The following ZNF30 variants were observed in gnomAD, a reference collection of about 807,000 sequenced individuals.
The protein encoded by ZNF30 is zinc finger protein 30 (KOX 28).
A neutral mutation model predicts 13.2 loss-of-function variants in ZNF30; 15 were observed. The observed-to-expected ratio is 1.13, with a 90% CI of 0.76 to 1.75. The LOEUF (loss-of-function observed/expected upper bound fraction) is 1.75, where lower values mean the gene tolerates loss of function less well. Among genes scored for constraint, ZNF30 ranks in the 40% most tolerant of loss-of-function variants. The pLI is 0.00. For missense variants in ZNF30, 726 were observed against 757.0 expected, an observed-to-expected ratio of 0.96 and a Z score of 0.48; for synonymous variants, 223 against 256.6, an observed-to-expected ratio of 0.87 and a Z score of 1.25.
upstream of ZNF30, among the ~76,000 whole-genome samples, chr19:34,925,512 C>A (rs1264775642): frequency 6.6e-6 from 1 of 152,208 alleles, no homozygotes; most frequent in East Asian, 1.9e-4. Flanking sequence ...ATGTCTTCTT[C>A]CGCCAACATG....
intron 4 of ZNF30, among the ~76,000 whole-genome samples, chr19:34,938,822 C>CG (rs773931935): frequency 3.9e-5 from 6 of 152,170 alleles, no homozygotes; most frequent in Non-Finnish European, 7.3e-5. Context: ...CCTGTTTTGT[C>CG]AGGCTGCATC....
chr19:34,935,026 G>A (rs747335946), intron 4 of ZNF30, among the ~76,000 whole-genome samples: 3 of 152,080 alleles, frequency 2.0e-5, no homozygotes, highest in Non-Finnish European at 4.4e-5. Context: ...TCAGGAGATC[G>A]AGACCATCCT....
chr19:34,928,514 A>G (rs1405198117), intron 1 of ZNF30, among the ~76,000 whole-genome samples: 4 of 151,866 alleles, frequency 2.6e-5, no homozygotes, highest in Non-Finnish European at 4.4e-5. Context: ...TAGTTGTTCT[A>G]TTTTATTATT....
intron 4 of ZNF30, among the ~76,000 whole-genome samples, chr19:34,933,981 A>G (rs1045417270): frequency 1.3e-5 from 2 of 152,158 alleles, no homozygotes; most frequent in Admixed American, 6.5e-5. Context: ...TTCCCAGTGC[A>G]TTATTCCATC....
intron 4 of ZNF30, among the ~76,000 whole-genome samples, chr19:34,939,167 C>CCCCTCCCCT (rs2012908849): frequency 1.3e-5 from 1 of 74,808 alleles, no homozygotes; most frequent in African/African-American, 7.7e-5. Flanking sequence ...TCCCCTCCCT[C>CCCCTCCCCT]CGCTCCCCTC....
At chr19:34,929,329 T>C (rs2012310393) in intron 1 of ZNF30, among the ~76,000 whole-genome samples, 4 of 152,220 alleles carry the variant, frequency 2.6e-5, no homozygotes, top group Admixed American at 2.6e-4. Flanking sequence ...AGCCAACTCA[T>C]GTTAAGCAAG....
upstream of ZNF30, among the ~76,000 whole-genome samples, chr19:34,926,562 T>C (rs1289140332): frequency 6.6e-6 from 1 of 152,258 alleles, no homozygotes; most frequent in Non-Finnish European, 1.5e-5. Flanking sequence ...ATTGCCACTA[T>C]TAATCCTATT....
chr19:34,940,529 A>G (rs1448837817), intron 4 of ZNF30, among the ~76,000 whole-genome samples: 2 of 151,940 alleles, frequency 1.3e-5, no homozygotes, highest in African/African-American at 4.8e-5. Flanking sequence ...TTAGCTGGGT[A>G]TGGTGGTGCA....
At chr19:34,933,512 C>T (rs1189031441) in intron 3 of ZNF30, 116 bp from the exon 4 acceptor site, 2 of 664,386 alleles carry the variant, frequency 3.0e-6, no homozygotes, top group Admixed American at 4.8e-5. Context: ...CTTCTCGTGT[C>T]TGAGATATAA....
chr19:34,925,119 GTGGGGCTC>G (rs148871931), upstream of ZNF30, among the ~76,000 whole-genome samples: 1,860 of 152,332 alleles, frequency 0.012, 36 homozygotes, highest in African/African-American at 0.042. Flanking sequence ...CGGGCGGGCT[GTGGGGCTC>G]TGACCCCATG....
In ZNF30 at chr19:34,944,335, G is replaced by C; in HGVS notation, c.1369G>C (p.Glu457Gln). 1 of 1,614,156 alleles carries C rather than the reference G, an allele frequency of 6.2e-7. No homozygotes were observed. Among genetic ancestry groups the C allele is most frequent in the Non-Finnish European group, 8.5e-7 (1 of 1,180,020 alleles). ...QRVHTGEKPY[E>Q]CKECGKAFRV... ...GGTTCATACTGGAGAGAAACCCTAT[G>C]AGTGTAAGGAATGTGGCAAGGCCTT... Residue 457 changes from glutamate to glutamine, a missense_variant, in exon 5 of 5, where the codon GAG (glutamate) becomes CAG (glutamine). Transcript: ENST00000601142.
intron 4 of ZNF30, among the ~76,000 whole-genome samples, chr19:34,940,219 T>C (rs2012966255): frequency 6.6e-6 from 1 of 152,192 alleles, no homozygotes; most frequent in African/African-American, 2.4e-5. Flanking sequence ...GGGGATTTCG[T>C]TGATTTCTGT....
At position 34,944,370 on chromosome 19, in the gene ZNF30, C is replaced by A. The variant is rs377630217; in HGVS notation, c.1404C>A (p.His468Gln). 6.2e-7 allele frequency: 1 copy of A among 1,614,052 alleles called. No individual in the cohort carries two copies. Among genetic ancestry groups the A allele is most frequent in the Non-Finnish European group, 8.5e-7 (1 of 1,180,026 alleles). ...CKECGKAFRV[H>Q]VHLTQHRKIH... ...AATGTGGCAAGGCCTTCAGAGTGCA[C>A]GTACATCTCACACAGCATCGGAAAA... is the stretch of plus-strand genomic sequence containing the variant. The change falls in exon 5 of 5, where the codon CAC becomes CAA. Residue 468 changes from histidine to glutamine, a missense_variant. Coordinates refer to ENST00000601142, the MANE Select transcript of ZNF30 (RefSeq NM_194325.3).
chr19:34,942,464 A>G (rs929627854), intron 4 of ZNF30: 5 of 374,290 alleles, frequency 1.3e-5, no homozygotes, highest in African/African-American at 8.7e-5. Flanking sequence ...AGAAAAGAAA[A>G]AAAGAAAAAG....
In ZNF30 at chr19:34,943,590, A is replaced by G. The variant is rs528262871; in HGVS notation, c.624A>G (p.Gln208=). 84 of 1,613,618 alleles carry G rather than the reference A, an allele frequency of 5.2e-5. 2 individuals are homozygous for G. The South Asian group carries it at 6.2e-4, about 12-fold the overall frequency. The part of the protein sequence containing the change: ...HTGEKPLKCK[Q]CGKTISGSYQ... ...GTGAGAAGCCACTCAAATGTAAGCA[A>G]TGTGGAAAGACTATTAGTGGTAGCT... Residue 208 remains glutamine (Q), a synonymous_variant, in exon 5 of 5, where the codon CAA becomes CAG. Transcript: ENST00000601142.
Position 34,943,918 on chromosome 19 carries a change from T to A in ZNF30, c.952T>A (p.Cys318Ser). ...TCATACTGGCGAGAAACCCTATGAA[T>A]GTAAGGAGTGTGGGAAGTCCTTCAC... ...RIHTGEKPYECKECGKSFTVY... is the reference protein window; with the variant it reads ...RIHTGEKPYESKECGKSFTVY... Residue 318 changes from cysteine to serine, a missense_variant, in exon 5 of 5, where the codon TGT becomes AGT. Coordinates refer to ENST00000601142, the MANE Select transcript of ZNF30 (RefSeq NM_194325.3). 2 of 1,613,984 alleles carry A rather than the reference T, an allele frequency of 1.2e-6. No homozygotes were observed. The highest frequency in any genetic ancestry group is 1.7e-6 in the Non-Finnish European group (2 of 1,179,834).
At chr19:34,933,595 T>G in intron 3 of ZNF30, 33 bp from the exon 4 acceptor site, 1 of 1,495,796 alleles carries the variant, frequency 6.7e-7, no homozygotes, top group Middle Eastern at 1.7e-4. Context: ...ACTCATATTT[T>G]ATTTCTTTTC....
chr19:34,928,810 TCAAA>T (rs558381339), intron 1 of ZNF30, among the ~76,000 whole-genome samples: 11 of 152,092 alleles, frequency 7.2e-5, no homozygotes, highest in African/African-American at 1.7e-4. Flanking sequence ...AGACCCTGTC[TCAAA>T]CAAACAAACA....
chr19:34,937,870 C>T (rs896763049), intron 4 of ZNF30, among the ~76,000 whole-genome samples: 1 of 152,162 alleles, frequency 6.6e-6, no homozygotes, highest in African/African-American at 2.4e-5. Context: ...GCAATCTCGG[C>T]TCACTGCATC....
Sources: allele counts gnomAD v4.1 joint callset (sites outside exome capture counted in the v4.1 genomes callset), GRCh38; gene constraint gnomAD v4.1.1; transcripts MANE v1.5; gene names NCBI Gene and HGNC (gene_info 2026-07-23, HGNC 2026-07-21).